Variants in ABHD12 observed in about 807,000 individuals in gnomAD.
ABHD12 encodes the protein abhydrolase domain containing 12, lysophospholipase, also known as lysophosphatidylserine lipase ABHD12.
Under a neutral mutation model 58.3 loss-of-function variants are expected in ABHD12, and 43 were observed. The ratio of observed to expected loss-of-function variants is 0.74; its 90% CI spans 0.58 to 0.95. The LOEUF (loss-of-function observed/expected upper bound fraction) is 0.95. ABHD12 is among the 40% of genes least tolerant of loss of function. The pLI is 0.00. For synonymous variants in ABHD12, 219 were observed against 211.2 expected (o/e 1.04, Z -0.32); for missense variants, 539 against 537.2 (o/e 1.00, Z -0.03).
intron 1 of ABHD12, among the ~76,000 whole-genome samples, chr20:25,364,475 G>T (rs2146093577): frequency 6.6e-6 from 1 of 152,256 alleles, no homozygotes; most frequent in African/African-American, 2.4e-5. Flanking sequence ...AAGGTGCCAG[G>T]CTCCTTTTAC....
intron 1 of ABHD12, among the ~76,000 whole-genome samples, chr20:25,350,852 T>C (rs372210213): frequency 5.3e-5 from 8 of 152,030 alleles, no homozygotes. Flanking sequence ...ACAAACCTCC[T>C]GCTCTGGGAA....
chr20:25,338,466 G>A (rs1396030841), intron 2 of ABHD12, among the ~76,000 whole-genome samples: 1 of 152,164 alleles, frequency 6.6e-6, no homozygotes, highest in African/African-American at 2.4e-5. Context: ...CCACAGATGC[G>A]GCCCTTTCCT....
At chr20:25,307,642 AGG>A (rs2088769690) in intron 9 of ABHD12, among the ~76,000 whole-genome samples, 1 of 152,328 alleles carries the variant, frequency 6.6e-6, no homozygotes, top group Non-Finnish European at 1.5e-5. Flanking sequence ...ATACACAGAG[AGG>A]GGGGCACCCC....
chr20:25,330,813 T>C (rs1312446369), intron 2 of ABHD12, among the ~76,000 whole-genome samples: 2 of 152,082 alleles, frequency 1.3e-5, no homozygotes, highest in African/African-American at 2.4e-5. Context: ...AACCCATCTG[T>C]ACATCACCAT....
intron 1 of ABHD12, among the ~76,000 whole-genome samples, chr20:25,372,211 CA>C (rs1330446302): frequency 6.6e-6 from 1 of 151,610 alleles, no homozygotes; most frequent in African/African-American, 2.4e-5. Context: ...TGAATTATCT[CA>C]GCCTCTTCTT....
downstream of ABHD12, among the ~76,000 whole-genome samples, chr20:25,296,205 G>C (rs539782148): frequency 1.3e-5 from 2 of 152,270 alleles, 1 homozygote; most frequent in African/African-American, 4.8e-5. Flanking sequence ...TGGTCCGTGG[G>C]GTCCCCTTTT....
At chr20:25,345,753 A>G (rs994391231) in intron 1 of ABHD12, among the ~76,000 whole-genome samples, 2 of 152,188 alleles carry the variant, frequency 1.3e-5, no homozygotes, top group Non-Finnish European at 2.9e-5. Flanking sequence ...ACACACTATT[A>G]GAATGGCCAA....
chr20:25,302,616 G>A (rs866008930), intron 11 of ABHD12, among the ~76,000 whole-genome samples: 3 of 152,176 alleles, frequency 2.0e-5, no homozygotes, highest in African/African-American at 4.8e-5. Context: ...AGGTGGATGA[G>A]CCAGACCAGG....
chr20:25,339,311 A>C lies in ABHD12; in HGVS notation c.232T>G (p.Cys78Gly). 1 of 1,614,234 alleles carries C rather than the reference A, an allele frequency of 6.2e-7. No individual in the cohort carries two copies. Residue 78 changes from cysteine (C) to glycine (G), a missense_variant, in exon 2 of 13, where the codon TGT becomes GGT. By Grantham distance (159) the Cys-to-Gly change is radical. Transcript: ENST00000339157. Reference sequence around the variant, plus strand: ...ATGGCAATGTACAACCCCAAAACACAGAAAAGTATCTTCCTCAGGCGCAAC... The same window carrying C: ...ATGGCAATGTACAACCCCAAAACACCGAAAAGTATCTTCCTCAGGCGCAAC... ...VWLRLRKILFCVLGLYIAIPF... is the reference protein window; with the variant it reads ...VWLRLRKILFGVLGLYIAIPF...
intron 1 of ABHD12, among the ~76,000 whole-genome samples, chr20:25,379,965 C>G (rs1030968131): frequency 6.6e-6 from 1 of 151,958 alleles, no homozygotes; most frequent in South Asian, 2.1e-4. Flanking sequence ...GCTAGGATTA[C>G]AGGTATGCTG....
chr20:25,313,497 G>GT (rs1325525076), intron 6 of ABHD12, among the ~76,000 whole-genome samples: 1 of 151,980 alleles, frequency 6.6e-6, no homozygotes, highest in African/African-American at 2.4e-5. Context: ...TTGTTCACTT[G>GT]TTTATCTGCT....
intron 10 of ABHD12, among the ~76,000 whole-genome samples, chr20:25,305,208 A>C (rs756563631): frequency 1.3e-5 from 2 of 152,222 alleles, no homozygotes; most frequent in Non-Finnish European, 2.9e-5. Flanking sequence ...AGTATTTACA[A>C]ACAAGCAGGG....
chr20:25,320,208 G>A lies in ABHD12; in HGVS notation c.533C>T (p.Ala178Val). The A allele has an allele frequency of 3.7e-6, 6 of 1,614,022 alleles. No individual in the cohort carries two copies. Among genetic ancestry groups the A allele is most frequent in the Non-Finnish European group, 5.1e-6 (6 of 1,180,018 alleles). ...GGCTCCTCTCCCTCACCTGGTACCT[G>A]CGTTCCCATGCAGGTACAGAATGAT... ...HPIILYLHGN[A>V]GTRGGDHRVE... is the part of the protein sequence containing the mutation. The change falls in exon 4 of 13, where the codon GCA becomes GTA. Residue 178 changes from alanine (A) to valine (V), a missense_variant. By Grantham distance (64) the Ala-to-Val change is moderately conservative. Coordinates refer to ENST00000339157, the MANE Select transcript of ABHD12 (RefSeq NM_001042472.3).
chr20:25,389,574 G>A (rs564533580), intron 1 of ABHD12, among the ~76,000 whole-genome samples: 18 of 152,310 alleles, frequency 1.2e-4, no homozygotes, highest in African/African-American at 4.1e-4. Context: ...ACAACAGCCA[G>A]ATAATTAGGA....
downstream of ABHD12, among the ~76,000 whole-genome samples, chr20:25,298,710 C>T (rs1481580501): frequency 6.6e-6 from 1 of 152,232 alleles, no homozygotes; most frequent in Non-Finnish European, 1.5e-5. Context: ...GCCCTGGGGA[C>T]CAAAGCATCG....
At chr20:25,378,526 A>G (rs778520605) in intron 1 of ABHD12, among the ~76,000 whole-genome samples, 1 of 152,132 alleles carries the variant, frequency 6.6e-6, no homozygotes, top group Non-Finnish European at 1.5e-5. Flanking sequence ...GGAGAAAAAA[A>G]TAGTTGAAAG....
chr20:25,306,254 A>T (rs1408127607), intron 10 of ABHD12, among the ~76,000 whole-genome samples: 1 of 152,134 alleles, frequency 6.6e-6, no homozygotes, highest in East Asian at 1.9e-4. Flanking sequence ...TTCACAAACC[A>T]TTTTGAAATA....
intron 1 of ABHD12, among the ~76,000 whole-genome samples, chr20:25,349,190 T>C (rs574374493): frequency 1.3e-5 from 2 of 151,642 alleles, no homozygotes; most frequent in Non-Finnish European, 2.9e-5. Context: ...TTTAGTATAA[T>C]GTGAAAATGG....
rs192341054 is a variant in ABHD12 at position 25,366,378 on chromosome 20, T to G, written c.191+24135A>C. Reference sequence around the variant, plus strand: ...GCAACCTCCACCTCCCAGGTTCTCCTGCCTCAGCCTCCCTAGTAGCTAGGA... The same window carrying G: ...GCAACCTCCACCTCCCAGGTTCTCCGGCCTCAGCCTCCCTAGTAGCTAGGA... On this transcript the variant is annotated intron_variant, in intron 1 of 12. Transcript: ENST00000339157. Among the ~76,000 whole-genome samples the G allele has an allele frequency of 2.6e-3, 395 of 152,250 alleles. 1 individual carries two copies. Among genetic ancestry groups the G allele is most frequent in the Non-Finnish European group, 4.1e-3 (279 of 68,012 alleles).
Sources: gnomAD v4.1 joint callset for allele counts (sites outside exome capture counted in the v4.1 genomes callset) on GRCh38, gnomAD v4.1.1 for gene constraint, MANE v1.5 for transcripts, NCBI Gene and HGNC (gene_info 2026-07-23, HGNC 2026-07-21) for gene names.